The following CSMD1 variants were observed in gnomAD, a reference collection of about 807,000 sequenced individuals.
The protein encoded by CSMD1 is CUB and Sushi multiple domains 1, also known as CUB and sushi domain-containing protein 1.
CSMD1 carries 213 observed loss-of-function variants against 417.5 expected under a neutral mutation model. The observed-to-expected ratio is 0.51, with a 90% CI of 0.46 to 0.57. The LOEUF is 0.57. Among genes scored for constraint, CSMD1 ranks in the 20% least tolerant of loss-of-function variants. The probability of loss-of-function intolerance (pLI) is 0.00; values close to 1 mark genes in which losing one functional copy is unlikely to be tolerated. For missense variants in CSMD1, 6,923 were observed against 4,529.7 expected, an observed-to-expected ratio of 1.53 and a Z score of -15.17; for synonymous variants, 2,862 against 1,736.8, an observed-to-expected ratio of 1.65 and a Z score of -16.11.
chr8:4,224,284 G>A (rs1056130395), intron 3 of CSMD1, among the ~76,000 whole-genome samples: 2 of 152,034 alleles, frequency 1.3e-5, no homozygotes, highest in African/African-American at 4.8e-5. Flanking sequence ...CATAATTGTG[G>A]TAAAATATAC....
intron 3 of CSMD1, among the ~76,000 whole-genome samples, chr8:4,085,985 C>G (rs1219955302): frequency 1.3e-5 from 2 of 152,096 alleles, no homozygotes; most frequent in Non-Finnish European, 2.9e-5. Flanking sequence ...GAAATAAAAA[C>G]TGTAATTAAA....
At chr8:4,463,556 A>G (rs538461715) in intron 2 of CSMD1, among the ~76,000 whole-genome samples, 1 of 152,292 alleles carries the variant, frequency 6.6e-6, no homozygotes, top group African/African-American at 2.4e-5. Flanking sequence ...CCATCATATT[A>G]AATAGGATCC....
At chr8:3,707,814 T>C (rs1801258358) in intron 7 of CSMD1, among the ~76,000 whole-genome samples, 1 of 152,110 alleles carries the variant, frequency 6.6e-6, no homozygotes. Context: ...GGCTGAGTGA[T>C]GACGATGGGC....
At chr8:4,261,205 G>C (rs1043976798) in intron 3 of CSMD1, among the ~76,000 whole-genome samples, 2 of 152,154 alleles carry the variant, frequency 1.3e-5, no homozygotes, top group Non-Finnish European at 2.9e-5. Context: ...AAAGCTACTA[G>C]AGAAAGGAGG....
intron 4 of CSMD1, among the ~76,000 whole-genome samples, chr8:4,006,858 C>A (rs1816160240): frequency 8.5e-6 from 1 of 117,798 alleles, no homozygotes; most frequent in Non-Finnish European, 1.6e-5. Context: ...GATGGAGACT[C>A]ACTCTGTTGC....
intron 3 of CSMD1, among the ~76,000 whole-genome samples, chr8:4,204,745 C>A (rs1035828538): frequency 6.6e-6 from 1 of 152,150 alleles, no homozygotes; most frequent in African/African-American, 2.4e-5. Context: ...GCCTCAACCT[C>A]CCAGCCTCAA....
chr8:4,430,636 T>TA (rs931896843), intron 2 of CSMD1, among the ~76,000 whole-genome samples: 5 of 152,146 alleles, frequency 3.3e-5, no homozygotes, highest in Non-Finnish European at 5.9e-5. Context: ...CTCTTTTTTT[T>TA]AATCAATGCA....
chr8:4,277,946 CACCATGCTG>C (rs1796577091), intron 3 of CSMD1, among the ~76,000 whole-genome samples: 1 of 152,096 alleles, frequency 6.6e-6, no homozygotes, highest in Non-Finnish European at 1.5e-5. Context: ...GACAGGATTT[CACCATGCTG>C]GCCAGGCTGG....
intron 4 of CSMD1, among the ~76,000 whole-genome samples, chr8:4,013,077 G>T: frequency 6.6e-6 from 1 of 152,200 alleles, no homozygotes; most frequent in Non-Finnish European, 1.5e-5. Flanking sequence ...TAAGTAGCCA[G>T]AGTAATCCTC....
At chr8:4,793,618 A>C (rs2117245404) in intron 1 of CSMD1, among the ~76,000 whole-genome samples, 1 of 151,696 alleles carries the variant, frequency 6.6e-6, no homozygotes, top group African/African-American at 2.4e-5. Flanking sequence ...TACTGTTTCA[A>C]AAAAAAATAC....
intron 29 of CSMD1, among the ~76,000 whole-genome samples, chr8:3,215,261 T>C (rs1797817260): frequency 6.6e-6 from 1 of 152,244 alleles, no homozygotes; most frequent in Admixed American, 6.5e-5. Flanking sequence ...CGTATTTCTG[T>C]TGTTAGTCTT....
In CSMD1 at chr8:3,406,241, A is replaced by T. The variant is rs905265350; in HGVS notation, c.2072-20T>A. 6.5e-7 allele frequency: 1 copy of T among 1,549,978 alleles called. No individual in the cohort carries two copies. Among genetic ancestry groups the T allele is most frequent in the Admixed American group, 2.0e-5 (1 of 49,010 alleles). On this transcript the variant is annotated intron_variant, in intron 14 of 69. Coordinates refer to ENST00000635120, the MANE Select transcript of CSMD1 (RefSeq NM_033225.6). ...CAAATGCTGAAAGAAAAAGAAGAAG[A>T]AAAAAGGAATAAAAATACTTGAGTA...
chr8:4,299,792 G>T (rs1021093433), intron 3 of CSMD1, among the ~76,000 whole-genome samples: 1 of 151,812 alleles, frequency 6.6e-6, no homozygotes, highest in African/African-American at 2.4e-5. Context: ...CACCACGCCC[G>T]CCTAATTTTT....
intron 1 of CSMD1, among the ~76,000 whole-genome samples, chr8:4,966,508 G>A (rs1242097042): frequency 2.6e-5 from 4 of 152,156 alleles, no homozygotes; most frequent in African/African-American, 7.2e-5. Context: ...CCCTTAAGGG[G>A]CTGCAGACAT....
chr8:3,389,762 C>T (rs191093833), intron 17 of CSMD1, among the ~76,000 whole-genome samples: 77 of 152,202 alleles, frequency 5.1e-4, no homozygotes, highest in African/African-American at 1.5e-3. Context: ...ATAAAAACAT[C>T]GAATTAAAAT....
intron 26 of CSMD1, among the ~76,000 whole-genome samples, chr8:3,244,488 G>C (rs1237825226): frequency 6.6e-6 from 1 of 152,158 alleles, no homozygotes; most frequent in Non-Finnish European, 1.5e-5. Flanking sequence ...AGGAAGAAAG[G>C]AATAAGGTCC....
chr8:4,872,586 T>C (rs1488879456), intron 1 of CSMD1, among the ~76,000 whole-genome samples: 2 of 152,080 alleles, frequency 1.3e-5, no homozygotes, highest in African/African-American at 4.8e-5. Context: ...TTAAAACACT[T>C]TCCTTTATAA....
At chr8:3,461,623 A>C (rs1452575770) in intron 12 of CSMD1, among the ~76,000 whole-genome samples, 1 of 152,178 alleles carries the variant, frequency 6.6e-6, no homozygotes, top group Non-Finnish European at 1.5e-5. Flanking sequence ...ACTGTAAGCT[A>C]TCCCTGTGGC....
intron 3 of CSMD1, among the ~76,000 whole-genome samples, chr8:4,178,870 G>C (rs1299381164): frequency 6.6e-6 from 1 of 152,132 alleles, no homozygotes; most frequent in Admixed American, 6.5e-5. Context: ...CAACTTACAA[G>C]GGATGAGAAG....
Sources: allele counts gnomAD v4.1 joint callset (sites outside exome capture counted in the v4.1 genomes callset), GRCh38; gene constraint gnomAD v4.1.1; transcripts MANE v1.5; gene names NCBI Gene and HGNC (gene_info 2026-07-23, HGNC 2026-07-21).